Variants in COL22A1 observed in about 807,000 individuals in gnomAD.
COL22A1 encodes the protein collagen type XXII alpha 1 chain.
A neutral mutation model predicts 248.9 loss-of-function variants in COL22A1; 221 were observed. The ratio of observed to expected loss-of-function variants is 0.89; its 90% CI spans 0.80 to 0.99. COL22A1 has a LOEUF of 0.99. COL22A1 is among the 50% of genes least tolerant of loss of function. The pLI is 0.00. For missense variants in COL22A1, 2,240 were observed against 2,179.0 expected, an observed-to-expected ratio of 1.03 and a Z score of -0.56; for synonymous variants, 891 against 793.4, an observed-to-expected ratio of 1.12 and a Z score of -2.07.
intron 41 of COL22A1, among the ~76,000 whole-genome samples, chr8:138,673,759 A>C (rs764655434): frequency 1.4e-4 from 21 of 152,052 alleles, no homozygotes; most frequent in Non-Finnish European, 2.8e-4. Flanking sequence ...TGTAGTGGAC[A>C]GGTCAGTTCC....
intron 3 of COL22A1, among the ~76,000 whole-genome samples, chr8:138,864,584 T>C (rs1289170785): frequency 1.3e-5 from 2 of 152,162 alleles, no homozygotes; most frequent in Admixed American, 1.3e-4. Context: ...CCAGGACACT[T>C]TTAAAATTTG....
At chr8:138,799,053 A>C (rs1816786660) in intron 11 of COL22A1, among the ~76,000 whole-genome samples, 1 of 152,134 alleles carries the variant, frequency 6.6e-6, no homozygotes, top group East Asian at 1.9e-4. Flanking sequence ...TTCAGATTAC[A>C]TCATCTCTAC....
At chr8:138,820,675 CA>C (rs1454920370) in intron 7 of COL22A1, among the ~76,000 whole-genome samples, 1 of 152,022 alleles carries the variant, frequency 6.6e-6, no homozygotes, top group Non-Finnish European at 1.5e-5. Flanking sequence ...TTAAATTTAT[CA>C]GAAACTATTA....
chr8:138,905,282 C>G (rs937870365), intron 1 of COL22A1, among the ~76,000 whole-genome samples: 2 of 152,218 alleles, frequency 1.3e-5, no homozygotes, highest in Non-Finnish European at 2.9e-5. Flanking sequence ...CGAATTCCCT[C>G]TAGATACCCC....
intron 63 of COL22A1, among the ~76,000 whole-genome samples, chr8:138,593,300 G>C (rs963239728): frequency 1.3e-5 from 2 of 151,850 alleles, no homozygotes; most frequent in African/African-American, 4.8e-5. Flanking sequence ...CGGTTTGATA[G>C]GTGCAGCAAA....
chr8:138,745,106 T>C (rs55688039), intron 22 of COL22A1, among the ~76,000 whole-genome samples: 35,846 of 152,118 alleles, frequency 0.24, 5,138 homozygotes, highest in African/African-American at 0.39. Context: ...AAGATCCCTG[T>C]TGCCACAATG....
chr8:138,777,535 C>T (rs1814583893), intron 15 of COL22A1, among the ~76,000 whole-genome samples: 1 of 152,184 alleles, frequency 6.6e-6, no homozygotes, highest in African/African-American at 2.4e-5. Context: ...CACCCCCCAA[C>T]AGGCCCTTGT....
rs142176920 is a variant in COL22A1, at chr8:138,785,756, G to C, written c.1597-4776C>G. 7.9e-3 allele frequency among the ~76,000 whole-genome samples: 1,197 copies of C among 152,332 alleles called. 18 individuals are homozygous for C. Among genetic ancestry groups the C allele is most frequent in the African/African-American group, 0.027 (1,133 of 41,574 alleles). ...TCAAATAGATGCCCAGTAGATGTCT[G>C]TGTGAATTTCTCTCGTCCACAAGAT... On this transcript the variant is annotated intron_variant, in intron 12 of 64. Coordinates refer to ENST00000303045, the MANE Select transcript of COL22A1 (RefSeq NM_152888.3).
chr8:138,735,438 A>G (rs1338408670), intron 23 of COL22A1, among the ~76,000 whole-genome samples: 1 of 152,234 alleles, frequency 6.6e-6, no homozygotes, highest in Admixed American at 6.5e-5. Flanking sequence ...TCTGGCCTTC[A>G]GTAAAGATTC....
chr8:138,829,430 A>C, intron 5 of COL22A1, among the ~76,000 whole-genome samples: 1 of 34,280 alleles, frequency 2.9e-5, no homozygotes, highest in Non-Finnish European at 6.9e-5. Flanking sequence ...TTTTTGAGAC[A>C]GAGTCTCGCT....
chr8:138,673,254 A>G (rs1392981958), intron 41 of COL22A1, among the ~76,000 whole-genome samples: 1 of 146,390 alleles, frequency 6.8e-6, no homozygotes, highest in African/African-American at 2.5e-5. Context: ...TCTGCTGCCC[A>G]GGCTGGAGTA....
chr8:138,690,709 G>C (rs1826775165), intron 36 of COL22A1, 112 bp downstream of exon 36: 1 of 785,840 alleles, frequency 1.3e-6, no homozygotes. Flanking sequence ...TGGAAAATGG[G>C]AGTAAGGATC....
intron 35 of COL22A1, among the ~76,000 whole-genome samples, chr8:138,692,426 C>G (rs1374967549): frequency 8.2e-6 from 1 of 122,458 alleles, no homozygotes; most frequent in Non-Finnish European, 1.7e-5. Flanking sequence ...TGTGCACGTA[C>G]GTGTGTGCAT....
At chr8:138,743,495 GTGGTGA>G (rs1197020112) in intron 22 of COL22A1, among the ~76,000 whole-genome samples, 2 of 151,546 alleles carry the variant, frequency 1.3e-5, no homozygotes, top group East Asian at 1.9e-4. Context: ...GGTGGTGATC[GTGGTGA>G]TGGTGATGGT....
chr8:138,669,575 G>A (rs995657787), intron 41 of COL22A1, among the ~76,000 whole-genome samples: 8 of 152,178 alleles, frequency 5.3e-5, no homozygotes, highest in Non-Finnish European at 8.8e-5. Context: ...GATCAACGCA[G>A]GTTCAAATGC....
chr8:138,854,958 AGGTGAT>A (rs1246931918), intron 3 of COL22A1, among the ~76,000 whole-genome samples: 2 of 151,632 alleles, frequency 1.3e-5, no homozygotes, highest in Non-Finnish European at 2.9e-5. Flanking sequence ...ATGATGGAGG[AGGTGAT>A]GGTGATGGTG....
chr8:138,866,378 TTATA>T (rs553965237), intron 3 of COL22A1, among the ~76,000 whole-genome samples: 8 of 152,230 alleles, frequency 5.3e-5, no homozygotes, highest in Non-Finnish European at 1.2e-4. Flanking sequence ...AAATGCACAT[TTATA>T]TAGAGACATA....
Position 138,678,599 on chromosome 8 carries a change from T to C in COL22A1, c.3072+1018A>G, listed in dbSNP as rs577833279. 2.0e-5 allele frequency among the ~76,000 whole-genome samples: 3 copies of C among 151,844 alleles called. No individual in the cohort carries two copies. The South Asian group carries it at 6.3e-4, about 32-fold the overall frequency. On this transcript the variant is annotated intron_variant, in intron 40 of 64. Transcript: ENST00000303045. ...GAGTAAAAAAAAAATAAGACAAATA[T>C]GGAAACAAGTGTCATGAACCAAGAA...
chr8:138,887,119 A>G (rs1824727430), intron 1 of COL22A1, among the ~76,000 whole-genome samples: 1 of 152,012 alleles, frequency 6.6e-6, no homozygotes, highest in African/African-American at 2.4e-5. Flanking sequence ...TCACCCTATT[A>G]TGCTGTCAAA....
Sources: allele counts gnomAD v4.1 joint callset (sites outside exome capture counted in the v4.1 genomes callset), GRCh38; gene constraint gnomAD v4.1.1; transcripts MANE v1.5; gene names NCBI Gene and HGNC (gene_info 2026-07-23, HGNC 2026-07-21).